The following MAGI2 variants were observed in gnomAD, a reference collection of about 807,000 sequenced individuals.
MAGI2 encodes the protein membrane-associated guanylate kinase, WW and PDZ domain-containing protein 2.
In MAGI2, 35 loss-of-function variants were observed where a neutral mutation model predicts 133.3. The ratio of observed to expected loss-of-function variants is 0.26; its 90% CI spans 0.20 to 0.35. MAGI2 has a LOEUF of 0.35. Ranked by LOEUF, MAGI2 falls within the 10% of genes least tolerant of loss-of-function variation. The pLI is 1.00. For missense variants in MAGI2, 1,636 were observed against 1,863.4 expected (o/e 0.88, Z 2.25); for synonymous variants, 729 against 710.6 (o/e 1.03, Z -0.41).
rs1276127640 is a variant in MAGI2, at chr7:79,028,999, T to C, written c.302-21793A>G. ...GTATAAAAAACACAAATGTTATATT[T>C]TAAATAGTCTATTTCATGTTTATGG... is the stretch of plus-strand genomic sequence containing the variant. On this transcript the variant is annotated intron_variant, in intron 1 of 21. Coordinates refer to ENST00000354212, the MANE Select transcript of MAGI2 (RefSeq NM_012301.4). 9.9e-5 allele frequency among the ~76,000 whole-genome samples: 15 copies of C among 152,210 alleles called. 1 individual carries two copies.
chr7:78,934,464 G>A (rs1800369571), intron 2 of MAGI2, among the ~76,000 whole-genome samples: 1 of 152,062 alleles, frequency 6.6e-6, no homozygotes. Context: ...GTACTTATGT[G>A]TGAATAAATG....
chr7:78,463,713 A>G (rs1225545796), intron 6 of MAGI2, among the ~76,000 whole-genome samples: 1 of 152,160 alleles, frequency 6.6e-6, no homozygotes, highest in Admixed American at 6.5e-5. Flanking sequence ...GAAAGTAAAC[A>G]AGGAAAGGCT....
chr7:78,139,423 C>G (rs926521960), intron 16 of MAGI2, among the ~76,000 whole-genome samples: 1 of 152,122 alleles, frequency 6.6e-6, no homozygotes, highest in Non-Finnish European at 1.5e-5. Context: ...AGATGCAGTT[C>G]CATTTGCTCA....
chr7:78,525,267 T>C (rs1440408721), intron 3 of MAGI2, among the ~76,000 whole-genome samples: 1 of 152,132 alleles, frequency 6.6e-6, no homozygotes, highest in Admixed American at 6.6e-5. Flanking sequence ...ATCCATACTC[T>C]TACTACACTT....
chr7:78,639,516 T>A (rs796757519), intron 2 of MAGI2, among the ~76,000 whole-genome samples: 8 of 152,290 alleles, frequency 5.3e-5, no homozygotes, highest in African/African-American at 1.9e-4. Context: ...TGCATCTGAT[T>A]TATCTTATGT....
chr7:79,042,897 G>A (rs532075232), intron 1 of MAGI2, among the ~76,000 whole-genome samples: 6 of 151,842 alleles, frequency 4.0e-5, no homozygotes, highest in African/African-American at 1.2e-4. Context: ...TTGGACCACA[G>A]GAAAATAAAA....
chr7:78,602,661 G>C (rs1328586364), intron 3 of MAGI2, among the ~76,000 whole-genome samples: 4 of 152,050 alleles, frequency 2.6e-5, no homozygotes, highest in African/African-American at 9.7e-5. Context: ...TGCCAGAAAA[G>C]TAATGTATGT....
intron 2 of MAGI2, among the ~76,000 whole-genome samples, chr7:78,765,211 A>G (rs922096886): frequency 6.6e-6 from 1 of 152,210 alleles, no homozygotes; most frequent in African/African-American, 2.4e-5. Context: ...TAGGTTTCCA[A>G]ACTAGCCAAC....
chr7:78,860,965 C>A (rs187539635), intron 2 of MAGI2, among the ~76,000 whole-genome samples: 1 of 152,152 alleles, frequency 6.6e-6, no homozygotes, highest in African/African-American at 2.4e-5. Context: ...CCCCAAGCCT[C>A]GCTGCCAAGT....
chr7:79,186,460 C>T (rs536921607), intron 1 of MAGI2, among the ~76,000 whole-genome samples: 1 of 148,422 alleles, frequency 6.7e-6, no homozygotes, highest in East Asian at 2.0e-4. Context: ...TATGTCACAT[C>T]AAATTTATAA....
intron 1 of MAGI2, among the ~76,000 whole-genome samples, chr7:79,109,356 T>C (rs555670453): frequency 1.4e-4 from 21 of 152,154 alleles, no homozygotes; most frequent in Admixed American, 5.2e-4. Flanking sequence ...GAGGAACTTA[T>C]TGGGAACTAG....
At chr7:78,635,466 A>G (rs1210618609) in intron 2 of MAGI2, among the ~76,000 whole-genome samples, 1 of 152,258 alleles carries the variant, frequency 6.6e-6, no homozygotes, top group African/African-American at 2.4e-5. Context: ...CTATTCTGAT[A>G]TATTAAAAAT....
chr7:78,281,914 G>T (rs1005912946), intron 9 of MAGI2, among the ~76,000 whole-genome samples: 2 of 150,400 alleles, frequency 1.3e-5, no homozygotes, highest in African/African-American at 4.9e-5. Context: ...AACTTGCCTG[G>T]CTTTCATGTT....
At chr7:78,199,082 C>T (rs900055008) in intron 11 of MAGI2, among the ~76,000 whole-genome samples, 12 of 152,260 alleles carry the variant, frequency 7.9e-5, no homozygotes, top group Admixed American at 1.3e-4. Flanking sequence ...CTCTACTTAG[C>T]GTCTTCCTGG....
chr7:78,250,216 A>G (rs1792244049), intron 10 of MAGI2, among the ~76,000 whole-genome samples: 1 of 152,136 alleles, frequency 6.6e-6, no homozygotes, highest in African/African-American at 2.4e-5. Flanking sequence ...CTCTTCGACA[A>G]TGAAATTATT....
At chr7:78,440,277 T>C (rs1377268641) in intron 6 of MAGI2, among the ~76,000 whole-genome samples, 1 of 152,152 alleles carries the variant, frequency 6.6e-6, no homozygotes, top group African/African-American at 2.4e-5. Context: ...GCTTTCATTT[T>C]CCACATTTTA....
At chr7:78,716,251 A>T (rs748505380) in intron 2 of MAGI2, among the ~76,000 whole-genome samples, 3 of 152,072 alleles carry the variant, frequency 2.0e-5, no homozygotes, top group South Asian at 2.1e-4. Context: ...ATTTTATTTA[A>T]TTTTACCCTT....
At chr7:78,913,079 G>A (rs1185551437) in intron 2 of MAGI2, among the ~76,000 whole-genome samples, 1 of 152,040 alleles carries the variant, frequency 6.6e-6, no homozygotes, top group Non-Finnish European at 1.5e-5. Flanking sequence ...GGAGTGCACA[G>A]TGTTCAGGAC....
intron 21 of MAGI2, among the ~76,000 whole-genome samples, chr7:78,066,527 G>GA (rs143483402): frequency 0.12 from 17,611 of 150,462 alleles, 1,214 homozygotes; most frequent in African/African-American, 0.18. Context: ...AAATAAAGCT[G>GA]AAAAAAAAAT....
Sources: gnomAD v4.1 joint callset for allele counts (sites outside exome capture counted in the v4.1 genomes callset) on GRCh38, gnomAD v4.1.1 for gene constraint, MANE v1.5 for transcripts, NCBI Gene and HGNC (gene_info 2026-07-23, HGNC 2026-07-21) for gene names.